The following CRMP1 variants were observed in gnomAD, a reference collection of about 807,000 sequenced individuals.
The protein encoded by CRMP1 is dihydropyrimidinase-related protein 1.
Under a neutral mutation model 68.3 loss-of-function variants are expected in CRMP1, and 19 were observed. That is an observed-to-expected ratio of 0.28 (90% confidence interval 0.19 to 0.41). The LOEUF is 0.41. Ranked by LOEUF, CRMP1 falls within the 10% of genes least tolerant of loss-of-function variation. CRMP1 has a pLI of 1.00. For missense variants in CRMP1, 791 were observed against 967.4 expected (o/e 0.82, Z 2.42); for synonymous variants, 439 against 399.6 (o/e 1.10, Z -1.18).
rs1715121632 is a variant in CRMP1 at position 5,879,958 on chromosome 4, T to G, written c.381+12631A>C. Among the ~76,000 whole-genome samples the G allele has an allele frequency of 6.6e-6, 1 of 151,138 alleles. No homozygotes were observed. The highest frequency in any genetic ancestry group is 2.4e-5 in the African/African-American group (1 of 41,030). ...ATAGAGGAGGAATAAAGAATTGGAG[T>G]GGTTTTGGAAAAGAGAAGGTCCTAA... On this transcript the variant is annotated intron_variant, in intron 1 of 13. Coordinates refer to ENST00000324989, the MANE Select transcript of CRMP1 (RefSeq NM_001014809.3). This position sits in a 1 kb window ranked among gnomAD's most constrained non-coding sequence, Gnocchi z 4.2.
chr4:5,839,462 A>G, intron 9 of CRMP1, 60 bp downstream of exon 9: 1 of 1,548,632 alleles, frequency 6.5e-7, no homozygotes. Flanking sequence ...CCCACCATTA[A>G]CTCTCTGCCT....
Position 5,889,659 on chromosome 4 carries a change from C to G in CRMP1, c.381+2930G>C. On this transcript the variant is annotated intron_variant, in intron 1 of 13. Coordinates refer to ENST00000324989, the MANE Select transcript of CRMP1 (RefSeq NM_001014809.3). This position sits in a 1 kb window ranked among gnomAD's most constrained non-coding sequence, Gnocchi z 4.5. ...CACTTCGTTGTTCATTTTCTGCATGCGAAATCCAACCCCACAGGTCCTATG... is the reference window on the plus strand; with the variant it reads ...CACTTCGTTGTTCATTTTCTGCATGGGAAATCCAACCCCACAGGTCCTATG... 1 of 1,536,156 alleles carries G rather than the reference C, an allele frequency of 6.5e-7. No individual in the cohort carries two copies. The highest frequency in any genetic ancestry group is 8.7e-7 in the Non-Finnish European group (1 of 1,146,904).
rs1577857435 is a variant in CRMP1, at chr4:5,890,054, C to A, written c.381+2535G>T. ...TCTGTTTACAACTCATTTCCCTCCACGCATTCATGCATCCCTGGCTCTCAG... is the reference window on the plus strand; with the variant it reads ...TCTGTTTACAACTCATTTCCCTCCAAGCATTCATGCATCCCTGGCTCTCAG... On this transcript the variant is annotated intron_variant, in intron 1 of 13. Transcript: ENST00000324989. The surrounding 1 kb of genome is among the most constrained non-coding windows in gnomAD (Gnocchi z 5.5). 1 of 492,856 alleles carries A rather than the reference C, an allele frequency of 2.0e-6. No homozygotes were observed. Among genetic ancestry groups the A allele is most frequent in the African/African-American group, 2.0e-5 (1 of 50,242 alleles). 30.5% of individuals were successfully genotyped at this position (492,856 alleles called of 1,614,324 possible).
chr4:5,868,140 G>GAAATGATATGC (rs1714123578), intron 1 of CRMP1, among the ~76,000 whole-genome samples: 1 of 151,644 alleles, frequency 6.6e-6, no homozygotes, highest in Non-Finnish European at 1.5e-5. Flanking sequence ...CCGGGCAGAG[G>GAAATGATATGC]AAATGATATG....
intron 11 of CRMP1, among the ~76,000 whole-genome samples, chr4:5,829,664 C>A (rs1238693600): frequency 1.3e-5 from 2 of 152,194 alleles, no homozygotes; most frequent in Admixed American, 1.3e-4. Context: ...CACATCTCTA[C>A]ACAGACATTT....
intron 9 of CRMP1, 75 bp downstream of exon 9, chr4:5,839,447 G>A (rs1036045900): frequency 3.1e-5 from 47 of 1,523,262 alleles, no homozygotes; most frequent in Middle Eastern, 2.3e-4. Flanking sequence ...ACCAGCCTGC[G>A]GATTCCCACC....
chr4:5,849,498 T>C (rs745308882), intron 5 of CRMP1, 26 bp from the exon 6 acceptor site: 6 of 1,528,312 alleles, frequency 3.9e-6, no homozygotes, highest in Middle Eastern at 1.8e-4. Flanking sequence ...CAGGGGTTGG[T>C]GTGAGATTTA....
Position 5,856,410 on chromosome 4 carries a change from CCAT to C in CRMP1, c.656-106_656-104del, listed in dbSNP as rs780084416. 160 of 1,040,920 alleles carry C rather than the reference CCAT, an allele frequency of 1.5e-4. No individual in the cohort carries two copies. The Admixed American group carries it at 2.1e-3, about 14-fold the overall frequency. The allele number at this position is 1,040,920 out of a possible 1,614,324, so 64.5% of individuals were successfully genotyped here. ...ATCATCACCATCATTACCATCACCACCATCATCATCATCACCATAATTATCACA... is the reference window on the plus strand; with the variant it reads ...ATCATCACCATCATTACCATCACCACCATCATCATCACCATAATTATCACA... On this transcript the variant is annotated intron_variant, in intron 3 of 13. Coordinates refer to ENST00000324989, the MANE Select transcript of CRMP1 (RefSeq NM_001014809.3).
rs531737821 is a variant in CRMP1 at position 5,860,523 on chromosome 4, T to A, written c.655+503A>T. On this transcript the variant is annotated intron_variant, in intron 3 of 13. Coordinates refer to ENST00000324989, the MANE Select transcript of CRMP1 (RefSeq NM_001014809.3). The surrounding 1 kb of genome is among the most constrained non-coding windows in gnomAD (Gnocchi z 4.2). ...ACAACCACTTCCCAGCTGTGTCTCC[T>A]TGGGCAAGTTGCTTCACCTCTCTGA... is the stretch of plus-strand genomic sequence containing the variant. Among the ~76,000 whole-genome samples the A allele has an allele frequency of 2.0e-5, 3 of 152,206 alleles. No homozygotes were observed. Among genetic ancestry groups the A allele is most frequent in the Non-Finnish European group, 4.4e-5 (3 of 68,032 alleles).
intron 2 of CRMP1, among the ~76,000 whole-genome samples, chr4:5,863,635 C>G (rs929624052): frequency 1.3e-5 from 2 of 152,080 alleles, no homozygotes; most frequent in East Asian, 1.9e-4. Context: ...CATCACCTCC[C>G]GGTGCAGAAG....
chr4:5,883,780 A>G lies in CRMP1; in HGVS notation c.381+8809T>C, dbSNP rs1224831236. ...AGAACAGAGCTATGACCTGTTAGAT[A>G]TTTACTATGTGCCATGCACACTCAT... On this transcript the variant is annotated intron_variant, in intron 1 of 13. Transcript: ENST00000324989. This position sits in a 1 kb window ranked among gnomAD's most constrained non-coding sequence, Gnocchi z 4.5. Among the ~76,000 whole-genome samples the G allele has an allele frequency of 6.6e-6, 1 of 152,026 alleles. No individual in the cohort carries two copies. Among genetic ancestry groups the G allele is most frequent in the East Asian group, 1.9e-4 (1 of 5,188 alleles).
rs1429436661 is a variant in CRMP1 at position 5,872,628 on chromosome 4, A to G, written c.382-5872T>C. Among the ~76,000 whole-genome samples, 1 of 152,218 alleles carries G rather than the reference A, an allele frequency of 6.6e-6. No homozygotes were observed. Among genetic ancestry groups the G allele is most frequent in the Non-Finnish European group, 1.5e-5 (1 of 68,034 alleles). On this transcript the variant is annotated intron_variant, in intron 1 of 13. Transcript: ENST00000324989. This position sits in a 1 kb window ranked among gnomAD's most constrained non-coding sequence, Gnocchi z 4.6. ...CTTGAACCCAGGAGGCGGAGGTTGC[A>G]GTGAGCTGAGATCGCACCGCTGCAG...
At position 5,861,569 on chromosome 4, in the gene CRMP1, T is replaced by C. The variant is rs143483768; in HGVS notation, c.471-359A>G. On this transcript the variant is annotated intron_variant, in intron 2 of 13. Transcript: ENST00000324989. This position sits in a 1 kb window ranked among gnomAD's most constrained non-coding sequence, Gnocchi z 6.0. ...CATGTGCTGACCGTCATGTCTATTCTGATGTAACAGGTGCCTGAAAACTTC... is the reference window on the plus strand; with the variant it reads ...CATGTGCTGACCGTCATGTCTATTCCGATGTAACAGGTGCCTGAAAACTTC... Among the ~76,000 whole-genome samples, 66 of 152,302 alleles carry C rather than the reference T, an allele frequency of 4.3e-4. No homozygotes were observed. Among genetic ancestry groups the C allele is most frequent in the African/African-American group, 1.5e-3 (64 of 41,580 alleles).
At chr4:5,868,388 G>A (rs1714200025) in intron 1 of CRMP1, among the ~76,000 whole-genome samples, 1 of 149,424 alleles carries the variant, frequency 6.7e-6, no homozygotes, top group Non-Finnish European at 1.5e-5. Context: ...TGCAACCTCC[G>A]CCTCCTGGGT....
At chr4:5,887,511 C>A (rs1038204410) in intron 1 of CRMP1, 1 of 984,988 alleles carries the variant, frequency 1.0e-6, no homozygotes, top group Non-Finnish European at 1.2e-6. Flanking sequence ...CGAGACAAAG[C>A]GTAAAGACGG....
Position 5,891,171 on chromosome 4 carries a change from CACAT to C in CRMP1, c.381+1414_381+1417del, listed in dbSNP as rs1312598400. On this transcript the variant is annotated intron_variant, in intron 1 of 13. Coordinates refer to ENST00000324989, the MANE Select transcript of CRMP1 (RefSeq NM_001014809.3). The surrounding 1 kb of genome is among the most constrained non-coding windows in gnomAD (Gnocchi z 5.2). ...TTTCTGATCACCCCACCACCACACA[CACAT>C]ACACACACACACACACACACACACA... Among the ~76,000 whole-genome samples, 5 of 128,944 alleles carry C rather than the reference CACAT, an allele frequency of 3.9e-5. No individual in the cohort carries two copies. Among genetic ancestry groups the C allele is most frequent in the African/African-American group, 1.2e-4 (4 of 33,736 alleles). The allele number at this position is 128,944 out of a possible 152,430, so 84.6% of individuals were successfully genotyped here.
rs1714960461 is a variant in CRMP1 at position 5,877,993 on chromosome 4, A to G, written c.382-11237T>C. On this transcript the variant is annotated intron_variant, in intron 1 of 13. Transcript: ENST00000324989. The surrounding 1 kb of genome is among the most constrained non-coding windows in gnomAD (Gnocchi z 4.3). ...CTGGTCTGTGCTTCTTGCTTTATAGAAAGAAATCCGAACAGAACTCCTTTG... is the reference window on the plus strand; with the variant it reads ...CTGGTCTGTGCTTCTTGCTTTATAGGAAGAAATCCGAACAGAACTCCTTTG... Among the ~76,000 whole-genome samples the G allele has an allele frequency of 6.6e-6, 1 of 152,244 alleles. No individual in the cohort carries two copies. Among genetic ancestry groups the G allele is most frequent in the African/African-American group, 2.4e-5 (1 of 41,466 alleles).
At position 5,861,058 on chromosome 4, in the gene CRMP1, C is replaced by G. The variant is rs1713514271; in HGVS notation, c.623G>C (p.Arg208Thr). Residue 208 changes from arginine to threonine, a missense_variant, in exon 3 of 14, where the codon AGG becomes ACG. Coordinates refer to ENST00000324989, the MANE Select transcript of CRMP1 (RefSeq NM_001014809.3). The surrounding 1 kb of genome is among the most constrained non-coding windows in gnomAD (Gnocchi z 6.0). ...CGTGGTCCCGCCCACCAGTGCCGCC[C>G]TGGTCCCTTGGAAGAAGTCATCAGC... ...TAADDFFQGTRAALVGGTTMI... is the reference protein window; with the variant it reads ...TAADDFFQGTTAALVGGTTMI... 2 of 1,614,078 alleles carry G rather than the reference C, an allele frequency of 1.2e-6. No individual in the cohort carries two copies. The highest frequency in any genetic ancestry group is 1.7e-6 in the Non-Finnish European group (2 of 1,180,038).
chr4:5,828,165 T>C, intron 12 of CRMP1: 1 of 985,394 alleles, frequency 1.0e-6, no homozygotes, highest in East Asian at 1.1e-4. Context: ...GCACCTCCCG[T>C]GGGTGGGCAG....
Sources: allele counts gnomAD v4.1 joint callset (sites outside exome capture counted in the v4.1 genomes callset), GRCh38; gene constraint gnomAD v4.1.1; non-coding constraint Gnocchi (gnomAD v3.1); transcripts MANE v1.5; gene names NCBI Gene and HGNC (gene_info 2026-07-23, HGNC 2026-07-21).